Variants in CSMD1 observed in about 807,000 individuals in gnomAD.
CSMD1 encodes the protein CUB and Sushi multiple domains 1.
In CSMD1, 213 loss-of-function variants were observed where a neutral mutation model predicts 417.5. The observed-to-expected ratio is 0.51, with a 90% confidence interval of 0.46 to 0.57. The LOEUF (loss-of-function observed/expected upper bound fraction) is 0.57, where lower values mean the gene tolerates loss of function less well. Ranked by LOEUF, CSMD1 falls within the 20% of genes least tolerant of loss-of-function variation. The probability of loss-of-function intolerance (pLI) is 0.00; values close to 1 mark genes in which losing one functional copy is unlikely to be tolerated. For synonymous variants in CSMD1, 2,862 were observed against 1,736.8 expected, an observed-to-expected ratio of 1.65 and a Z score of -16.11; for missense variants, 6,923 against 4,529.7, an observed-to-expected ratio of 1.53 and a Z score of -15.17.
intron 11 of CSMD1, among the ~76,000 whole-genome samples, chr8:3,485,601 G>T (rs1392359849): frequency 1.3e-5 from 2 of 149,550 alleles, no homozygotes; most frequent in Admixed American, 6.7e-5. Flanking sequence ...AAATAAAACA[G>T]GAAATTAAAT....
chr8:4,293,085 G>A (rs1484559015), intron 3 of CSMD1, among the ~76,000 whole-genome samples: 1 of 152,138 alleles, frequency 6.6e-6, no homozygotes, highest in Non-Finnish European at 1.5e-5. Flanking sequence ...ACCATGCACT[G>A]CACATGCGGA....
At chr8:4,278,407 T>G (rs1796603252) in intron 3 of CSMD1, among the ~76,000 whole-genome samples, 2 of 152,212 alleles carry the variant, frequency 1.3e-5, no homozygotes, top group African/African-American at 4.8e-5. Context: ...GAATACATAT[T>G]GAGCCACATG....
chr8:4,315,627 G>C (rs951838158), intron 3 of CSMD1, among the ~76,000 whole-genome samples: 1 of 152,068 alleles, frequency 6.6e-6, no homozygotes, highest in African/African-American at 2.4e-5. Flanking sequence ...GGTTTCCAAA[G>C]ATAAAATGAT....
chr8:3,450,888 A>C lies in CSMD1; in HGVS notation c.1561+17824T>G, dbSNP rs1377451090. On this transcript the variant is annotated intron_variant, in intron 12 of 69. Transcript: ENST00000635120. ...AGTTCTAGATCCCTGAGGAATCGCCACACTGACTTCCACAATGGTTGAACT... is the reference window on the plus strand; with the variant it reads ...AGTTCTAGATCCCTGAGGAATCGCCCCACTGACTTCCACAATGGTTGAACT... Among the ~76,000 whole-genome samples the C allele has an allele frequency of 2.0e-5, 3 of 151,914 alleles. No individual in the cohort carries two copies. The East Asian group carries it at 5.8e-4, about 29-fold the overall frequency.
At chr8:4,840,257 C>T (rs938377883) in intron 1 of CSMD1, among the ~76,000 whole-genome samples, 1 of 152,236 alleles carries the variant, frequency 6.6e-6, no homozygotes, top group Non-Finnish European at 1.5e-5. Context: ...ATAGCCCTTT[C>T]AGGTAAAGTA....
chr8:4,136,551 T>G (rs978388385), intron 3 of CSMD1, among the ~76,000 whole-genome samples: 16 of 152,202 alleles, frequency 1.1e-4, no homozygotes, highest in Non-Finnish European at 1.8e-4. Flanking sequence ...CAGCAAAAGA[T>G]GCAAAATGCC....
chr8:4,862,094 G>T (rs187098343), intron 1 of CSMD1, among the ~76,000 whole-genome samples: 34 of 152,100 alleles, frequency 2.2e-4, no homozygotes, highest in Non-Finnish European at 4.6e-4. Flanking sequence ...TCTGATCCAA[G>T]AAGGAAGGAA....
chr8:3,442,418 AC>A (rs1244085562), intron 12 of CSMD1, among the ~76,000 whole-genome samples: 3 of 152,144 alleles, frequency 2.0e-5, no homozygotes, highest in African/African-American at 7.2e-5. Context: ...CATGGTAAGT[AC>A]CTTATACAGA....
chr8:3,183,565 C>G (rs1292911647), intron 36 of CSMD1, among the ~76,000 whole-genome samples: 1 of 135,302 alleles, frequency 7.4e-6, no homozygotes, highest in African/African-American at 2.9e-5. Context: ...TCGAGTAGGT[C>G]TCTAACGCCT....
intron 3 of CSMD1, among the ~76,000 whole-genome samples, chr8:4,214,411 C>A (rs999644624): frequency 6.6e-6 from 1 of 152,160 alleles, no homozygotes; most frequent in Non-Finnish European, 1.5e-5. Context: ...GATTCAAATG[C>A]CTCAGGCTTC....
intron 10 of CSMD1, among the ~76,000 whole-genome samples, chr8:3,496,815 G>A (rs1297473818): frequency 6.6e-6 from 1 of 152,122 alleles, no homozygotes; most frequent in Non-Finnish European, 1.5e-5. Context: ...GGGCAACAGA[G>A]TGAGACTCCG....
chr8:4,478,143 A>G (rs1800900982), intron 2 of CSMD1, among the ~76,000 whole-genome samples: 1 of 152,226 alleles, frequency 6.6e-6, no homozygotes, highest in Non-Finnish European at 1.5e-5. Context: ...TGCCTGTAAC[A>G]GCAAAGATGG....
intron 10 of CSMD1, among the ~76,000 whole-genome samples, chr8:3,498,789 GATTTT>G (rs1563095930): frequency 1.3e-5 from 2 of 151,864 alleles, no homozygotes; most frequent in African/African-American, 4.8e-5. Flanking sequence ...TGAAGCTCTT[GATTTT>G]ATTTTTTAAA....
chr8:4,081,162 T>C (rs542753381), intron 3 of CSMD1, among the ~76,000 whole-genome samples: 12 of 152,142 alleles, frequency 7.9e-5, no homozygotes, highest in South Asian at 4.1e-4. Context: ...GCCTCCAGCA[T>C]TGTGATAAAT....
At chr8:4,376,839 T>G (rs936343033) in intron 3 of CSMD1, among the ~76,000 whole-genome samples, 1 of 152,228 alleles carries the variant, frequency 6.6e-6, no homozygotes, top group Non-Finnish European at 1.5e-5. Flanking sequence ...GATTTTGTCT[T>G]ATTTGTAAGT....
intron 6 of CSMD1, among the ~76,000 whole-genome samples, chr8:3,721,584 C>T (rs995902858): frequency 3.3e-5 from 5 of 152,188 alleles, no homozygotes; most frequent in African/African-American, 1.2e-4. Context: ...ATTTCAGGTT[C>T]AAACTTATTT....
chr8:4,038,108 G>C (rs1006366233), intron 3 of CSMD1, among the ~76,000 whole-genome samples: 1 of 152,060 alleles, frequency 6.6e-6, no homozygotes, highest in Non-Finnish European at 1.5e-5. Context: ...AAAATGATTA[G>C]ATCTACCATT....
At chr8:4,794,896 A>C (rs1797890344) in intron 1 of CSMD1, among the ~76,000 whole-genome samples, 1 of 152,180 alleles carries the variant, frequency 6.6e-6, no homozygotes, top group African/African-American at 2.4e-5. Flanking sequence ...AGGTGGCAAG[A>C]AATTAAATCA....
intron 41 of CSMD1, among the ~76,000 whole-genome samples, chr8:3,136,944 A>T (rs936569435): frequency 6.6e-6 from 1 of 152,072 alleles, no homozygotes; most frequent in African/African-American, 2.4e-5. Flanking sequence ...TTAAAAACAT[A>T]TTTTTTTTAA....
Sources: allele counts gnomAD v4.1 joint callset (sites outside exome capture counted in the v4.1 genomes callset), GRCh38; gene constraint gnomAD v4.1.1; transcripts MANE v1.5; gene names NCBI Gene and HGNC (gene_info 2026-07-23, HGNC 2026-07-21).